Variants in CNTN1 observed in about 807,000 individuals in gnomAD.
CNTN1 encodes the protein contactin 1, also known as contactin-1.
In CNTN1, 38 loss-of-function variants were observed where a neutral mutation model predicts 126.4. That is an observed-to-expected ratio of 0.30 (90% CI 0.23 to 0.39). The LOEUF (loss-of-function observed/expected upper bound fraction) is 0.39. Ranked by LOEUF, CNTN1 falls within the 10% of genes least tolerant of loss-of-function variation. The pLI, the probability that CNTN1 is intolerant of heterozygous loss-of-function variation, is 1.00. For synonymous variants in CNTN1, 413 were observed against 422.6 expected (o/e 0.98, Z 0.28); for missense variants, 1,009 against 1,248.4 (o/e 0.81, Z 2.89).
At chr12:40,975,695 T>C (rs1947653776) in intron 15 of CNTN1, among the ~76,000 whole-genome samples, 1 of 152,012 alleles carries the variant, frequency 6.6e-6, no homozygotes, top group Admixed American at 6.6e-5. Flanking sequence ...AAAGAAAGAA[T>C]AGTCCATAGA....
At chr12:40,718,356 A>G (rs1253623578) in intron 1 of CNTN1, among the ~76,000 whole-genome samples, 1 of 149,388 alleles carries the variant, frequency 6.7e-6, no homozygotes, top group Admixed American at 6.7e-5. Flanking sequence ...TCTTTTTTGT[A>G]TTTTACTAGA....
chr12:40,995,444 A>G (rs1035942554), intron 17 of CNTN1, among the ~76,000 whole-genome samples: 5 of 152,112 alleles, frequency 3.3e-5, no homozygotes, highest in Admixed American at 2.6e-4. Flanking sequence ...AGCTATCATT[A>G]GAATCAGAAC....
rs192620010 is a variant in CNTN1, at chr12:40,792,714, G to A, written c.-77+100122G>A. Reference sequence around the variant, plus strand: ...ATTGAACTATGAGGTGTTGACTTTTGTGGGTCTTTTTAGTTTTAATTGTTT... The same window carrying A: ...ATTGAACTATGAGGTGTTGACTTTTATGGGTCTTTTTAGTTTTAATTGTTT... On this transcript the variant is annotated intron_variant, in intron 1 of 23. Coordinates refer to ENST00000551295, the MANE Select transcript of CNTN1 (RefSeq NM_001843.4). 5.1e-4 allele frequency among the ~76,000 whole-genome samples: 77 copies of A among 152,038 alleles called. No homozygotes were observed. In the South Asian group the frequency reaches 9.2e-3, roughly 18 times the overall value.
chr12:40,714,784 G>A (rs997146536), intron 1 of CNTN1, among the ~76,000 whole-genome samples: 1 of 152,050 alleles, frequency 6.6e-6, no homozygotes, highest in Non-Finnish European at 1.5e-5. Context: ...CAGTTCCCGA[G>A]GGATTCTTAC....
intron 21 of CNTN1, among the ~76,000 whole-genome samples, chr12:41,026,333 A>T (rs1270523974): frequency 6.6e-6 from 1 of 152,232 alleles, no homozygotes; most frequent in Non-Finnish European, 1.5e-5. Context: ...AACTTCAAAC[A>T]AACACAAACT....
Position 40,941,736 on chromosome 12 carries a change from C to G in CNTN1, c.1380-1861C>G, listed in dbSNP as rs115269166. Among the ~76,000 whole-genome samples, 670 of 151,968 alleles carry G rather than the reference C, an allele frequency of 4.4e-3. 8 individuals carry two copies. The highest frequency in any genetic ancestry group is 0.014 in the African/African-American group (573 of 41,494). On this transcript the variant is annotated intron_variant, in intron 12 of 23. Coordinates refer to ENST00000551295, the MANE Select transcript of CNTN1 (RefSeq NM_001843.4). ...AGTCTTTTCTACTCCAGAGGTTATT[C>G]TGGAGTAATTTTGGTACCAATAAGT...
chr12:40,708,619 A>T (rs929896540), intron 1 of CNTN1, among the ~76,000 whole-genome samples: 1 of 152,198 alleles, frequency 6.6e-6, no homozygotes, highest in Admixed American at 6.5e-5. Context: ...TCTGTTTTAT[A>T]GCCTTTTACC....
At chr12:40,847,832 C>T (rs759599173) in intron 1 of CNTN1, among the ~76,000 whole-genome samples, 1 of 152,226 alleles carries the variant, frequency 6.6e-6, no homozygotes, top group Non-Finnish European at 1.5e-5. Context: ...TCATGCAAAA[C>T]AGTTTTTCCA....
At chr12:41,018,708 GTGTGTATGTGTA>G (rs1036007651) in intron 19 of CNTN1, among the ~76,000 whole-genome samples, 11 of 151,466 alleles carry the variant, frequency 7.3e-5, no homozygotes, top group African/African-American at 2.4e-4. Context: ...GTGTGTGTGT[GTGTGTATGTGTA>G]TGTGTGTATT....
chr12:41,069,840 G>T (rs563517186), intron 23 of CNTN1, 119 bp from the exon 24 acceptor site: 2 of 779,400 alleles, frequency 2.6e-6, no homozygotes, highest in South Asian at 2.8e-5. Context: ...ATTCTGTTTT[G>T]TGAAAGGACC....
At chr12:40,890,934 A>C (rs1330831334) in intron 1 of CNTN1, among the ~76,000 whole-genome samples, 4 of 152,190 alleles carry the variant, frequency 2.6e-5, no homozygotes, top group Non-Finnish European at 1.5e-5. Context: ...TGTCTTCCCA[A>C]GTGGCTGAAC....
At chr12:40,743,222 G>A (rs375352933) in intron 1 of CNTN1, among the ~76,000 whole-genome samples, 59 of 152,122 alleles carry the variant, frequency 3.9e-4, no homozygotes, top group African/African-American at 1.4e-3. Context: ...AGTTTGGAAC[G>A]AACACAAGGT....
chr12:41,064,173 C>CAAA (rs35620860), intron 23 of CNTN1, among the ~76,000 whole-genome samples: 1 of 111,768 alleles, frequency 8.9e-6, no homozygotes, highest in African/African-American at 3.0e-5. Flanking sequence ...GACTCCATCT[C>CAAA]AAAAAAAAAA....
intron 1 of CNTN1, among the ~76,000 whole-genome samples, chr12:40,727,844 G>C (rs945851866): frequency 1.3e-5 from 2 of 152,328 alleles, no homozygotes; most frequent in African/African-American, 4.8e-5. Context: ...GGACAAATCT[G>C]TAAGTAAGGG....
chr12:41,064,565 CA>C (rs1950009790), intron 23 of CNTN1, among the ~76,000 whole-genome samples: 1 of 152,150 alleles, frequency 6.6e-6, no homozygotes, highest in Non-Finnish European at 1.5e-5. Context: ...CAGTTGTTTT[CA>C]AACCGTGATA....
chr12:40,934,107 A>G (rs1565982655), intron 9 of CNTN1, among the ~76,000 whole-genome samples: 2 of 152,084 alleles, frequency 1.3e-5, no homozygotes, highest in Non-Finnish European at 1.5e-5. Context: ...CAATAGATTG[A>G]TAGAAGTGTT....
chr12:40,726,634 G>A (rs1482958301), intron 1 of CNTN1, among the ~76,000 whole-genome samples: 1 of 152,144 alleles, frequency 6.6e-6, no homozygotes, highest in East Asian at 1.9e-4. Flanking sequence ...GATTACAATT[G>A]GAAGTGAGAT....
chr12:40,730,674 C>A (rs572868199), intron 1 of CNTN1, among the ~76,000 whole-genome samples: 1 of 152,142 alleles, frequency 6.6e-6, no homozygotes, highest in Non-Finnish European at 1.5e-5. Flanking sequence ...TATTTGCTAA[C>A]TTTCATGTAA....
At chr12:40,919,487 G>A (rs1945359415) in intron 4 of CNTN1, among the ~76,000 whole-genome samples, 1 of 152,134 alleles carries the variant, frequency 6.6e-6, no homozygotes, top group South Asian at 2.1e-4. Context: ...CTGTGCAATG[G>A]TTCCATGAAG....
Sources: allele counts gnomAD v4.1 joint callset (sites outside exome capture counted in the v4.1 genomes callset), GRCh38; gene constraint gnomAD v4.1.1; transcripts MANE v1.5; gene names NCBI Gene and HGNC (gene_info 2026-07-23, HGNC 2026-07-21).